Variants in TRPM3 observed in about 807,000 individuals in gnomAD.
TRPM3 encodes transient receptor potential cation channel subfamily M member 3, also known as long transient receptor potential channel 3.
Under a neutral mutation model 181.2 loss-of-function variants are expected in TRPM3, and 77 were observed. That is an observed-to-expected ratio of 0.42 (90% CI 0.35 to 0.51). The LOEUF is 0.51. Among genes scored for constraint, TRPM3 ranks in the 20% least tolerant of loss-of-function variants. The probability of loss-of-function intolerance (pLI) is 0.01; values close to 1 mark genes in which losing one functional copy is unlikely to be tolerated. For missense variants in TRPM3, 1,759 were observed against 2,196.7 expected (o/e 0.80, Z 3.98); for synonymous variants, 745 against 796.4 (o/e 0.94, Z 1.09).
At chr9:70,790,311 T>C (rs2085061948) in intron 6 of TRPM3, among the ~76,000 whole-genome samples, 1 of 152,176 alleles carries the variant, frequency 6.6e-6, no homozygotes, top group South Asian at 2.1e-4. Flanking sequence ...TATTACAGTA[T>C]AGGTCACTTA....
intron 6 of TRPM3, among the ~76,000 whole-genome samples, chr9:70,798,485 C>T (rs1400508130): frequency 9.9e-5 from 15 of 152,158 alleles, no homozygotes; most frequent in Non-Finnish European, 7.3e-5. Context: ...TTTATGATCC[C>T]ATTTTTTTAA....
chr9:71,116,644 G>A (rs1424529411), intron 1 of TRPM3, among the ~76,000 whole-genome samples: 1 of 152,000 alleles, frequency 6.6e-6, no homozygotes, highest in East Asian at 1.9e-4. Flanking sequence ...TGCTCCTTCA[G>A]TTAATTCCCT....
At chr9:71,423,814 C>T (rs1231239837) in intron 1 of TRPM3, among the ~76,000 whole-genome samples, 2 of 152,100 alleles carry the variant, frequency 1.3e-5, no homozygotes, top group East Asian at 1.9e-4. Context: ...AAAGTTCCTC[C>T]CCGGAGATGA....
In TRPM3 at chr9:70,532,931, TGGAA is replaced by T. The variant is rs2041089078; in HGVS notation, c.*3018_*3021del. On this transcript the variant is annotated 3_prime_UTR_variant, in exon 26 of 26. Coordinates refer to ENST00000677713, the MANE Select transcript of TRPM3 (RefSeq NM_001366145.2). ...CATTGCTGCACAGAGAACCCAGAAA[TGGAA>T]GGAAATGGACTGAAAAATAACACAC... 1.3e-5 allele frequency: 2 copies of T among 151,836 alleles called. No individual in the cohort carries two copies. Among genetic ancestry groups the T allele is most frequent in the South Asian group, 4.1e-4 (2 of 4,820 alleles). 9.4% of individuals were successfully genotyped at this position (151,836 alleles called of 1,614,324 possible).
intron 8 of TRPM3, among the ~76,000 whole-genome samples, chr9:70,696,286 G>A (rs975276742): frequency 1.3e-5 from 2 of 152,178 alleles, no homozygotes; most frequent in African/African-American, 2.4e-5. Flanking sequence ...GGTTAGTCAC[G>A]GAAGGAGTAT....
chr9:71,219,125 A>C (rs2080081943), intron 1 of TRPM3, among the ~76,000 whole-genome samples: 1 of 151,742 alleles, frequency 6.6e-6, no homozygotes, highest in Non-Finnish European at 1.5e-5. Context: ...AAAAGGCTGC[A>C]TTTCCATTTC....
At chr9:70,549,470 T>G in intron 25 of TRPM3, 72 bp downstream of exon 25, 1 of 1,515,362 alleles carries the variant, frequency 6.6e-7, no homozygotes, top group South Asian at 1.3e-5. Context: ...TGTGACCGTG[T>G]GAATAAATTC....
At chr9:70,848,358 C>T (rs1338073595) in intron 3 of TRPM3, among the ~76,000 whole-genome samples, 1 of 151,842 alleles carries the variant, frequency 6.6e-6, no homozygotes, top group African/African-American at 2.4e-5. Flanking sequence ...AATAAAGGAG[C>T]TTGGAGGAGA....
chr9:70,753,435 C>T (rs13293360), intron 8 of TRPM3, among the ~76,000 whole-genome samples: 33,207 of 151,960 alleles, frequency 0.22, 4,453 homozygotes, highest in Non-Finnish European at 0.3. Flanking sequence ...GAGATAAATA[C>T]GAGGATTGGC....
chr9:70,902,986 G>A (rs185176705), intron 1 of TRPM3, among the ~76,000 whole-genome samples: 12 of 152,290 alleles, frequency 7.9e-5, no homozygotes, highest in Non-Finnish European at 1.2e-4. Flanking sequence ...ACAAGGCATC[G>A]TGTGTTTTGC....
chr9:70,660,984 A>C (rs1306189070), intron 9 of TRPM3, among the ~76,000 whole-genome samples: 1 of 152,174 alleles, frequency 6.6e-6, no homozygotes, highest in Non-Finnish European at 1.5e-5. Context: ...ATGTCAAAAA[A>C]AGAAAACTAC....
intron 14 of TRPM3, among the ~76,000 whole-genome samples, chr9:70,624,263 G>A (rs868038454): frequency 9.2e-5 from 14 of 152,280 alleles, no homozygotes; most frequent in African/African-American, 2.6e-4. Flanking sequence ...AAGATAGACC[G>A]TTGGATTTTA....
chr9:71,252,847 CT>C lies in TRPM3; in HGVS notation c.183+193805del, dbSNP rs11417438. 4.5e-3 allele frequency among the ~76,000 whole-genome samples: 383 copies of C among 84,754 alleles called. 2 individuals carry two copies. Among genetic ancestry groups the C allele is most frequent in the African/African-American group, 0.013 (246 of 19,116 alleles). The allele number at this position is 84,754 out of a possible 152,430, so 55.6% of individuals were successfully genotyped here. A position where few individuals can be genotyped will look rare whatever the true frequency, so the allele number is the denominator to read the frequency against. On this transcript the variant is annotated intron_variant, in intron 1 of 24. Transcript: ENST00000357533. ...ACACCTCGCCTGGCTAATTTTGTCT[CT>C]TTTTTTTTTTTTTTTTTTTTTAGAA... is the stretch of plus-strand genomic sequence containing the variant.
intron 18 of TRPM3, among the ~76,000 whole-genome samples, chr9:70,612,539 G>GTAA (rs1195723021): frequency 6.6e-6 from 1 of 152,196 alleles, no homozygotes; most frequent in East Asian, 1.9e-4. Flanking sequence ...ACTCAACTAT[G>GTAA]TAATAATCAC....
At chr9:70,664,641 G>GTTTTTTTTTTTTT (rs71367210) in intron 9 of TRPM3, among the ~76,000 whole-genome samples, 1 of 100,220 alleles carries the variant, frequency 1.0e-5, no homozygotes. Flanking sequence ...TAGGAGAGTA[G>GTTTTTTTTTTTTT]TTTTTTTTTT....
chr9:71,176,220 G>C (rs1274340716), intron 1 of TRPM3, among the ~76,000 whole-genome samples: 1 of 152,118 alleles, frequency 6.6e-6, no homozygotes, highest in African/African-American at 2.4e-5. Context: ...AGAAGGCACT[G>C]TTATCATAGG....
intron 1 of TRPM3, among the ~76,000 whole-genome samples, chr9:71,331,007 C>G (rs2090070067): frequency 6.6e-6 from 1 of 151,762 alleles, no homozygotes; most frequent in South Asian, 2.1e-4. Context: ...CTTGGGCAAG[C>G]TGCTAAGATT....
At chr9:71,320,687 C>T (rs1396958367) in intron 1 of TRPM3, among the ~76,000 whole-genome samples, 2 of 152,134 alleles carry the variant, frequency 1.3e-5, no homozygotes, top group African/African-American at 4.8e-5. Context: ...GTCCCAATGC[C>T]TTTAATTGCC....
rs945991220 is a variant in TRPM3 at position 70,535,426 on chromosome 9, G to T, written c.*527C>A. 1.9e-6 allele frequency: 3 copies of T among 1,550,512 alleles called. No homozygotes were observed. The highest frequency in any genetic ancestry group is 1.7e-6 in the Non-Finnish European group (2 of 1,146,988). On this transcript the variant is annotated 3_prime_UTR_variant, in exon 26 of 26. Transcript: ENST00000677713. ...ACGTTAGGTAGAACTGCTTGCTGCC[G>T]GCTTATACTGAATAAAGAGGATGCT...
Sources: gnomAD v4.1 joint callset for allele counts (sites outside exome capture counted in the v4.1 genomes callset) on GRCh38, gnomAD v4.1.1 for gene constraint, MANE v1.5 for transcripts, NCBI Gene and HGNC (gene_info 2026-07-23, HGNC 2026-07-21) for gene names.